Variants in CAPZA1 observed in about 807,000 individuals in gnomAD.
CAPZA1 encodes the protein F-actin-capping protein subunit alpha-1.
CAPZA1 carries 10 observed loss-of-function variants against 40.8 expected under a neutral mutation model. The observed-to-expected ratio is 0.25, with a 90% confidence interval of 0.15 to 0.42. The LOEUF (loss-of-function observed/expected upper bound fraction) is 0.42. Ranked by LOEUF, CAPZA1 falls within the 10% of genes least tolerant of loss-of-function variation. The pLI is 1.00. For missense variants in CAPZA1, 277 were observed against 353.8 expected (o/e 0.78, Z 1.74); for synonymous variants, 98 against 115.0 (o/e 0.85, Z 0.95).
At chr1:112,653,569 TTTTTTA>T (rs1671439944) in intron 3 of CAPZA1, 23 bp from the exon 4 acceptor site, 4 of 1,411,904 alleles carry the variant, frequency 2.8e-6, no homozygotes, top group Non-Finnish European at 3.9e-6. Flanking sequence ...TTTTTTTTTT[TTTTTTA>T]AAAAACTTTT....
rs777824472 is a variant in CAPZA1, at chr1:112,670,007, A to T, written c.736A>T (p.Asn246Tyr). The change falls in exon 10 of 10, where the codon AAC (asparagine) becomes TAC (tyrosine). Residue 246 changes from asparagine (N) to tyrosine (Y), a missense_variant. By Grantham distance (143) the Asn-to-Tyr change is moderately radical. Coordinates refer to ENST00000263168, the MANE Select transcript of CAPZA1 (RefSeq NM_006135.3). ...ENEYQTAISE[N>Y]YQTMSDTTFK... ...TCTATTGCAGACAGCAATTAGTGAAAACTATCAAACAATGTCAGATACCAC... is the reference window on the plus strand; with the variant it reads ...TCTATTGCAGACAGCAATTAGTGAATACTATCAAACAATGTCAGATACCAC... The T allele has an allele frequency of 6.2e-7, 1 of 1,613,892 alleles. No homozygotes were observed.
At chr1:112,640,855 CTT>C (rs1219364783) in intron 1 of CAPZA1, among the ~76,000 whole-genome samples, 2 of 151,960 alleles carry the variant, frequency 1.3e-5, no homozygotes, top group Non-Finnish European at 2.9e-5. Flanking sequence ...ACATGGGAGA[CTT>C]TTCATTTTGT....
At position 112,671,386 on chromosome 1, in the gene CAPZA1, C is replaced by T. The variant is rs141585194; in HGVS notation, c.*1254C>T. On this transcript the variant is annotated 3_prime_UTR_variant, in exon 10 of 10. Coordinates refer to ENST00000263168, the MANE Select transcript of CAPZA1 (RefSeq NM_006135.3). ...TAAAAAACCAAGTAGTGTCTTCCTA[C>T]CTATCTCCAGATACATGTCAAAAAA... 6.5e-6 allele frequency: 1 copy of T among 152,726 alleles called. No individual in the cohort carries two copies. The highest frequency in any genetic ancestry group is 1.9e-4 in the East Asian group (1 of 5,186). The allele number at this position is 152,726 out of a possible 1,614,324, so 9.5% of individuals were successfully genotyped here.
chr1:112,669,589 C>T lies in CAPZA1; in HGVS notation c.704C>T (p.Ala235Val). The T allele has an allele frequency of 6.2e-7, 1 of 1,604,568 alleles. No individual in the cohort carries two copies. The highest frequency in any genetic ancestry group is 1.1e-5 in the South Asian group (1 of 90,618). The change falls in exon 9 of 10, where the codon GCA becomes GTA. Residue 235 changes from alanine to valine, a missense_variant. Physicochemically the swap from Ala to Val is moderately conservative, Grantham distance 64. Around this residue, in one of 2 missense-constraint regions of CAPZA1, gnomAD observed 192 missense variants for 277.2 expected, o/e 0.69. Coordinates refer to ENST00000263168, the MANE Select transcript of CAPZA1 (RefSeq NM_006135.3). ...AKEFIKIIENAENEYQTAISE... is the reference protein window; with the variant it reads ...AKEFIKIIENVENEYQTAISE... ...GAGTTTATTAAAATCATAGAGAATG[C>T]AGAAAATGAGTATCAGGTAAGAAGA...
chr1:112,659,827 CAT>C (rs1197368601), intron 7 of CAPZA1, 48 bp downstream of exon 7: 2 of 1,425,226 alleles, frequency 1.4e-6, no homozygotes, highest in East Asian at 2.3e-5. Flanking sequence ...ATCTTTAAAA[CAT>C]GTGCAGGTTG....
chr1:112,622,196 G>T (rs1469098060), intron 1 of CAPZA1, among the ~76,000 whole-genome samples: 3 of 152,134 alleles, frequency 2.0e-5, no homozygotes, highest in African/African-American at 7.2e-5. Flanking sequence ...AGAAAATTTG[G>T]TGATAATGGA....
chr1:112,639,704 A>G (rs1340901295), intron 1 of CAPZA1, among the ~76,000 whole-genome samples: 19 of 152,152 alleles, frequency 1.2e-4, no homozygotes. Context: ...CATCTTAAAA[A>G]AAAAAATTAA....
chr1:112,665,414 A>C (rs1671706213), intron 7 of CAPZA1, among the ~76,000 whole-genome samples: 1 of 151,984 alleles, frequency 6.6e-6, no homozygotes, highest in Non-Finnish European at 1.5e-5. Context: ...TCCTGACCTC[A>C]AGTGATCCGC....
intron 2 of CAPZA1, among the ~76,000 whole-genome samples, chr1:112,648,333 C>T (rs1354097685): frequency 6.8e-6 from 1 of 147,410 alleles, no homozygotes; most frequent in African/African-American, 2.5e-5. Context: ...AATAAATTTT[C>T]CTGTTGAATT....
intron 8 of CAPZA1, among the ~76,000 whole-genome samples, chr1:112,669,018 A>G (rs182113065): frequency 2.6e-5 from 4 of 152,336 alleles, no homozygotes; most frequent in Admixed American, 1.3e-4. Flanking sequence ...GGTAACAGGA[A>G]GAGGGAGATT....
At chr1:112,623,541 C>T (rs1483108417) in intron 1 of CAPZA1, among the ~76,000 whole-genome samples, 1 of 151,756 alleles carries the variant, frequency 6.6e-6, no homozygotes, top group African/African-American at 2.4e-5. Flanking sequence ...ATTAGCTGGG[C>T]GCAGTGGCAC....
In CAPZA1 at chr1:112,642,322, T is replaced by G. The variant is rs574944852; in HGVS notation, c.40-4888T>G. On this transcript the variant is annotated intron_variant, in intron 1 of 9. Transcript: ENST00000263168. ...TCTGGTACCTGGGTTCAAGCAATTC[T>G]CCTGCCTCAGCCTCCCGAGTAGCTG... Among the ~76,000 whole-genome samples, 116 of 148,396 alleles carry G rather than the reference T, an allele frequency of 7.8e-4. 1 individual carries two copies. The highest frequency in any genetic ancestry group is 2.6e-3 in the African/African-American group (106 of 40,648).
chr1:112,636,563 G>A (rs1671023653), intron 1 of CAPZA1, among the ~76,000 whole-genome samples: 1 of 151,676 alleles, frequency 6.6e-6, no homozygotes, highest in Non-Finnish European at 1.5e-5. Context: ...GATACTATCT[G>A]ATGAATACAG....
At chr1:112,641,695 C>T (rs1671168745) in intron 1 of CAPZA1, among the ~76,000 whole-genome samples, 1 of 151,860 alleles carries the variant, frequency 6.6e-6, no homozygotes, top group South Asian at 2.1e-4. Context: ...TCAAGACGAG[C>T]CTAGCCAACA....
At chr1:112,668,406 TAGTG>T (rs940400044) in intron 8 of CAPZA1, among the ~76,000 whole-genome samples, 8 of 152,168 alleles carry the variant, frequency 5.3e-5, no homozygotes, top group African/African-American at 1.7e-4. Flanking sequence ...AAGAAAAAAA[TAGTG>T]GGAAGAATGG....
chr1:112,638,895 TCC>T (rs1480254980), intron 1 of CAPZA1, among the ~76,000 whole-genome samples: 1 of 101,140 alleles, frequency 9.9e-6, no homozygotes, highest in African/African-American at 5.7e-5. Context: ...AGAGCGAGAC[TCC>T]ATAGATATAG....
At chr1:112,663,705 A>T (rs1294364598) in intron 7 of CAPZA1, among the ~76,000 whole-genome samples, 1 of 151,594 alleles carries the variant, frequency 6.6e-6, no homozygotes, top group Non-Finnish European at 1.5e-5. Context: ...GGGTTTCACC[A>T]TGTTGGTCAG....
At chr1:112,637,412 G>A (rs1325944975) in intron 1 of CAPZA1, among the ~76,000 whole-genome samples, 1 of 152,232 alleles carries the variant, frequency 6.6e-6, no homozygotes, top group African/African-American at 2.4e-5. Flanking sequence ...TATGGCCAGT[G>A]GGCCAAATCC....
At chr1:112,668,935 C>G (rs1404643568) in intron 8 of CAPZA1, among the ~76,000 whole-genome samples, 1 of 152,190 alleles carries the variant, frequency 6.6e-6, no homozygotes, top group East Asian at 1.9e-4. Flanking sequence ...GTTTTGACCT[C>G]ATAGTCTGTC....
Sources: gnomAD v4.1 joint callset for allele counts (sites outside exome capture counted in the v4.1 genomes callset) on GRCh38, gnomAD v4.1.1 for gene constraint, gnomAD v4.1.1 regional missense constraint, MANE v1.5 for transcripts, NCBI Gene and HGNC (gene_info 2026-07-23, HGNC 2026-07-21) for gene names.